The following SARS2 variants were observed in gnomAD, a reference collection of about 807,000 sequenced individuals.
SARS2 encodes the protein seryl-tRNA synthetase 2, mitochondrial, also known as serine--tRNA ligase, mitochondrial.
A neutral mutation model predicts 66.8 loss-of-function variants in SARS2; 52 were observed. That is an observed-to-expected ratio of 0.78 (90% CI 0.62 to 0.98). The LOEUF (loss-of-function observed/expected upper bound fraction) is 0.98, where lower values mean the gene tolerates loss of function less well. SARS2 is among the 50% of genes least tolerant of loss of function. The pLI is 0.00. For missense variants in SARS2, 673 were observed against 706.3 expected, an observed-to-expected ratio of 0.95 and a Z score of 0.53; for synonymous variants, 306 against 281.4, an observed-to-expected ratio of 1.09 and a Z score of -0.87.
rs1420929798 is a variant in SARS2, at chr19:38,915,729, G to A, written c.1434C>T (p.Pro478=). ...TGCCGAGGTAGGACTGGAGGGCAGG[G>A]GGCACGAGCACTGAGCCGTCCTGGG... ...NQQKDGSVLV[P]PALQSYLGTD... The change falls in exon 16 of 16, where the codon CCC becomes CCT. Residue 478 remains proline (P), a synonymous_variant. Coordinates refer to ENST00000221431, the MANE Select transcript of SARS2 (RefSeq NM_017827.4). 5.0e-6 allele frequency: 8 copies of A among 1,613,052 alleles called. No homozygotes were observed. In the East Asian group the frequency reaches 1.8e-4, roughly 36 times the overall value.
rs765029955 is a variant in SARS2 at position 38,930,715 on chromosome 19, G to A, written c.22C>T (p.Arg8Cys). 4 of 1,613,598 alleles carry A rather than the reference G, an allele frequency of 2.5e-6. No individual in the cohort carries two copies. Among genetic ancestry groups the A allele is most frequent in the African/African-American group, 1.3e-5 (1 of 75,068 alleles). Residue 8 changes from arginine (R) to cysteine (C), a missense_variant, in exon 1 of 16, where the codon CGC becomes TGC. Arg to Cys is a radical substitution (Grantham distance 180). Transcript: ENST00000221431. ...CGACGAGTCAGCAAAGGCCACAAGC[G>A]CCGCGCCATGGACGCAGCCATCTTG... MAASMARRLWPLLTRRGF... is the reference protein window; with the variant it reads MAASMARCLWPLLTRRGF...
chr19:38,927,501 C>T (rs892009371), intron 1 of SARS2, among the ~76,000 whole-genome samples: 16 of 151,166 alleles, frequency 1.1e-4, no homozygotes, highest in African/African-American at 2.7e-4. Flanking sequence ...GGAAGTCTCA[C>T]GGAGCCTGAG....
intron 5 of SARS2, among the ~76,000 whole-genome samples, chr19:38,920,540 CAGAG>C (rs1406057400): frequency 6.6e-6 from 1 of 151,362 alleles, no homozygotes; most frequent in Non-Finnish European, 1.5e-5. Context: ...GCAGGGGGGT[CAGAG>C]AGAGAGACAG....
chr19:38,925,260 C>T (rs971132208), intron 2 of SARS2, among the ~76,000 whole-genome samples: 1 of 152,146 alleles, frequency 6.6e-6, no homozygotes. Flanking sequence ...GTGCAGTGAG[C>T]CCAGATCATG....
intron 8 of SARS2, 75 bp downstream of exon 8, chr19:38,918,691 G>A: frequency 6.6e-7 from 1 of 1,523,296 alleles, no homozygotes; most frequent in East Asian, 2.4e-5. Flanking sequence ...GGTCTCCTCA[G>A]GTTTCCCTGC....
intron 1 of SARS2, among the ~76,000 whole-genome samples, chr19:38,927,560 A>G (rs539028190): frequency 3.5e-4 from 53 of 151,994 alleles, no homozygotes; most frequent in Non-Finnish European, 6.6e-4. Context: ...CGTGGGTGAC[A>G]GAGTGAGACC....
At chr19:38,918,710 C>G (rs1269886521) in intron 8 of SARS2, 56 bp downstream of exon 8, 1 of 1,545,176 alleles carries the variant, frequency 6.5e-7, no homozygotes, top group Non-Finnish European at 8.8e-7. Flanking sequence ...GCCTCGGGCA[C>G]CCACGGCAGG....
intron 2 of SARS2, among the ~76,000 whole-genome samples, chr19:38,925,378 C>G (rs1974609510): frequency 6.6e-6 from 1 of 152,202 alleles, no homozygotes; most frequent in Non-Finnish European, 1.5e-5. Context: ...ACGCAGTTCA[C>G]CCTTCCCTGG....
chr19:38,921,012 CACAGATACACAGAT>C (rs746847433), intron 5 of SARS2, among the ~76,000 whole-genome samples: 4,085 of 35,704 alleles, frequency 0.11, 100 homozygotes, highest in Admixed American at 0.21. Context: ...TACAGACACA[CACAGATACACAGAT>C]ACAGACACAC....
At chr19:38,917,696 T>C in intron 12 of SARS2, 28 bp downstream of exon 12, 2 of 832,800 alleles carry the variant, frequency 2.4e-6, no homozygotes, top group Non-Finnish European at 4.1e-6. Context: ...ACCCCTGCCA[T>C]CCCTGGATCC....
At chr19:38,924,068 G>C (rs1411752263) in intron 2 of SARS2, among the ~76,000 whole-genome samples, 1 of 151,634 alleles carries the variant, frequency 6.6e-6, no homozygotes, top group Non-Finnish European at 1.5e-5. Context: ...GGAGGTGGAG[G>C]TTGCAGTGAG....
intron 1 of SARS2, among the ~76,000 whole-genome samples, chr19:38,928,857 T>G (rs1974674759): frequency 6.6e-6 from 1 of 152,210 alleles, no homozygotes; most frequent in Non-Finnish European, 1.5e-5. Flanking sequence ...CTCTATGAAT[T>G]TGATTACTCT....
chr19:38,927,800 C>T (rs749594116), intron 1 of SARS2, among the ~76,000 whole-genome samples: 6 of 151,018 alleles, frequency 4.0e-5, no homozygotes, highest in Non-Finnish European at 7.4e-5. Flanking sequence ...TTTGGGAGGC[C>T]GAGGCAGGTG....
intron 12 of SARS2, among the ~76,000 whole-genome samples, chr19:38,917,253 C>T (rs1300983133): frequency 1.3e-5 from 2 of 152,250 alleles, no homozygotes; most frequent in Admixed American, 6.5e-5. Context: ...AGCCACCACA[C>T]CCGGCTTACG....
intron 1 of SARS2, chr19:38,928,264 G>C (rs1974662435): frequency 6.6e-6 from 1 of 152,050 alleles, no homozygotes; most frequent in African/African-American, 2.4e-5. Context: ...TATAACCCTA[G>C]CTACTTGGGA....
rs78739458 is a variant in SARS2, at chr19:38,926,508, G to A, written c.268-208C>T. Among the ~76,000 whole-genome samples the A allele has an allele frequency of 9.8e-4, 149 of 152,288 alleles. 3 individuals are homozygous for A. The South Asian group carries it at 0.011, about 11-fold the overall frequency. ...TGCCCAGAATTCAGACACACTGGCC[G>A]AGCATAGTGGCTCATAACTATAATC... On this transcript the variant is annotated intron_variant, in intron 1 of 15. Transcript: ENST00000221431.
chr19:38,919,812 G>A lies in SARS2; in HGVS notation c.709C>T (p.Leu237Phe). The change falls in exon 7 of 16, where the codon CTC becomes TTC. Residue 237 changes from leucine (L) to phenylalanine (F), a missense_variant. Leu to Phe is a conservative substitution (Grantham distance 22, BLOSUM62 0). Coordinates refer to ENST00000221431, the MANE Select transcript of SARS2 (RefSeq NM_017827.4). ...AAGTTGACCAGGCCGTGCTGCAGGA[G>A]GGCTCCAGCCCCGCGCAGGTAATAG... ...RSYYLRGAGA[L>F]LQHGLVNFTF... 1 of 1,614,178 alleles carries A rather than the reference G, an allele frequency of 6.2e-7. No individual in the cohort carries two copies. Among genetic ancestry groups the A allele is most frequent in the Non-Finnish European group, 8.5e-7 (1 of 1,180,032 alleles).
chr19:38,916,224 T>A lies in SARS2; in HGVS notation c.1251A>T (p.Gly417=), dbSNP rs750336425. 6.2e-7 allele frequency: 1 copy of A among 1,613,948 alleles called. No individual in the cohort carries two copies. The highest frequency in any genetic ancestry group is 1.1e-5 in the South Asian group (1 of 91,090). ...TCCCCAGCGGCACAGGGCTCACCTC[T>A]CCAAAGCGGCCTCGGCCTGGCATCC... ...EAWMPGRGRF[G]EVTSASNCTD... is the part of the protein sequence containing the mutation. Residue 417 remains glycine, a synonymous_variant, in exon 13 of 16, where the codon GGA becomes GGT. Transcript: ENST00000221431.
At chr19:38,919,955 G>A in intron 6 of SARS2, 88 bp from the exon 7 acceptor site, 1 of 1,358,476 alleles carries the variant, frequency 7.4e-7, no homozygotes, top group Non-Finnish European at 1.0e-6. Context: ...AGGCCCGGCT[G>A]CTGGGTGGGG....
Sources: allele counts gnomAD v4.1 joint callset (sites outside exome capture counted in the v4.1 genomes callset), GRCh38; gene constraint gnomAD v4.1.1; transcripts MANE v1.5; gene names NCBI Gene and HGNC (gene_info 2026-07-23, HGNC 2026-07-21).